Variants in USP42 observed in about 807,000 individuals in gnomAD.
USP42 encodes ubiquitin specific peptidase 42.
USP42 carries 23 observed loss-of-function variants against 113.0 expected under a neutral mutation model. The observed-to-expected ratio is 0.20, with a 90% CI of 0.15 to 0.29. The LOEUF is 0.29. USP42 is among the 10% of genes least tolerant of loss of function. The pLI, the probability that USP42 is intolerant of heterozygous loss-of-function variation, is 1.00. For missense variants in USP42, 2,174 were observed against 1,779.8 expected, an observed-to-expected ratio of 1.22 and a Z score of -3.99; for synonymous variants, 933 against 699.0, an observed-to-expected ratio of 1.33 and a Z score of -5.28.
At chr7:6,137,443 C>A (rs1781209287) in intron 4 of USP42, among the ~76,000 whole-genome samples, 1 of 152,242 alleles carries the variant, frequency 6.6e-6, no homozygotes, top group African/African-American at 2.4e-5. Context: ...ACTACAACCT[C>A]TGCCTCTCAG....
At position 6,157,570 on chromosome 7, in the gene USP42, G is replaced by A. The variant is rs1048663550; in HGVS notation, c.3943+515G>A. Among the ~76,000 whole-genome samples, 1 of 152,106 alleles carries A rather than the reference G, an allele frequency of 6.6e-6. No individual in the cohort carries two copies. The highest frequency in any genetic ancestry group is 1.5e-5 in the Non-Finnish European group (1 of 68,004). ...CCGCCACCACGCCCGGCTAAATTTT[G>A]TGTTTTTAGTAGAGACGGTGTTTCA... On this transcript the variant is annotated intron_variant, in intron 16 of 17. Transcript: ENST00000306177. The surrounding 1 kb of genome is among the most constrained non-coding windows in gnomAD (Gnocchi z 4.1).
chr7:6,138,846 C>G (rs1277404736), intron 4 of USP42, among the ~76,000 whole-genome samples: 1 of 151,842 alleles, frequency 6.6e-6, no homozygotes, highest in Non-Finnish European at 1.5e-5. Flanking sequence ...ACCCCCTCTT[C>G]TGGTCTGTGG....
chr7:6,152,069 A>G (rs1178420629), intron 14 of USP42, among the ~76,000 whole-genome samples: 1 of 152,222 alleles, frequency 6.6e-6, no homozygotes, highest in East Asian at 1.9e-4. Context: ...AAGAATGTGA[A>G]TGTAACGTTG....
At position 6,157,319 on chromosome 7, in the gene USP42, C is replaced by T. The variant is rs1464561416; in HGVS notation, c.3943+264C>T. The stretch of plus-strand genomic sequence containing the variant: ...TACCTGTGTCACCAAAGCCCTGGAA[C>T]GTACAGCTCTAGGCATCTGACTTTG... On this transcript the variant is annotated intron_variant, in intron 16 of 17. Coordinates refer to ENST00000306177, the MANE Select transcript of USP42 (RefSeq NM_032172.3). The surrounding 1 kb of genome is among the most constrained non-coding windows in gnomAD (Gnocchi z 4.1). The T allele has an allele frequency of 9.6e-6, 11 of 1,141,298 alleles. No individual in the cohort carries two copies. Among genetic ancestry groups the T allele is most frequent in the African/African-American group, 1.6e-5 (1 of 62,286 alleles). 70.7% of individuals were successfully genotyped at this position (1,141,298 alleles called of 1,614,324 possible). A position where few individuals can be genotyped will look rare whatever the true frequency, so the allele number is the denominator to read the frequency against.
At chr7:6,160,037 T>G (rs1283613004) in intron 17 of USP42, among the ~76,000 whole-genome samples, 2 of 152,226 alleles carry the variant, frequency 1.3e-5, no homozygotes, top group Non-Finnish European at 2.9e-5. Flanking sequence ...TGGGGCTTTG[T>G]TGGATCACTT....
chr7:6,136,821 T>G (rs1235799010), intron 4 of USP42, among the ~76,000 whole-genome samples: 1 of 151,898 alleles, frequency 6.6e-6, no homozygotes, highest in Non-Finnish European at 1.5e-5. Flanking sequence ...TTTTTTTTTT[T>G]TCAAGTGAGA....
chr7:6,158,714 C>G lies in USP42; in HGVS notation c.3944-736C>G, dbSNP rs568164673. Among the ~76,000 whole-genome samples, 1 of 152,282 alleles carries G rather than the reference C, an allele frequency of 6.6e-6. No individual in the cohort carries two copies. Among genetic ancestry groups the G allele is most frequent in the South Asian group, 2.1e-4 (1 of 4,820 alleles). ...GACATTTCAGAATTGGTTTTGCGTT[C>G]CCATTTCAGCGAATCGGGGAAGGAG... On this transcript the variant is annotated intron_variant, in intron 16 of 17. Transcript: ENST00000306177. This position sits in a 1 kb window ranked among gnomAD's most constrained non-coding sequence, Gnocchi z 4.2.
chr7:6,090,292 C>T, the USP42 span, among the ~76,000 whole-genome samples: 1 of 115,188 alleles, frequency 8.7e-6, no homozygotes, highest in East Asian at 2.2e-4. Context: ...AATATTGAAA[C>T]TCTGTCTCAA....
intron 1 of USP42, among the ~76,000 whole-genome samples, chr7:6,110,304 T>C (rs1263301195): frequency 6.6e-6 from 1 of 152,146 alleles, no homozygotes; most frequent in Non-Finnish European, 1.5e-5. Context: ...GTTGCTTCAT[T>C]TTATAGGCCC....
At chr7:6,113,635 T>G (rs1426532080) in intron 2 of USP42, among the ~76,000 whole-genome samples, 5 of 152,134 alleles carry the variant, frequency 3.3e-5, no homozygotes, top group South Asian at 2.1e-4. Flanking sequence ...TTTTGTTTTT[T>G]TTTTGAGACG....
chr7:6,090,311 AAAAG>A, the USP42 span, among the ~76,000 whole-genome samples: 1 of 144,134 alleles, frequency 6.9e-6, no homozygotes, highest in Non-Finnish European at 1.5e-5. Context: ...AAAAAAAAAA[AAAAG>A]AAATATATAT....
At chr7:6,094,452 T>A in the USP42 span, among the ~76,000 whole-genome samples, 1 of 151,234 alleles carries the variant, frequency 6.6e-6, no homozygotes, top group African/African-American at 2.5e-5. Flanking sequence ...ATTACAGGCA[T>A]GAGCCACTAA....
chr7:6,081,327 AC>A, the USP42 span: 3 of 137,170 alleles, frequency 2.2e-5, no homozygotes, highest in African/African-American at 8.3e-5. Flanking sequence ...CTAGATCCCC[AC>A]CGGTCCCCAC....
At chr7:6,156,189 A>G (rs1272351738) in intron 15 of USP42, among the ~76,000 whole-genome samples, 4 of 152,214 alleles carry the variant, frequency 2.6e-5, no homozygotes, top group Non-Finnish European at 2.9e-5. Context: ...CAAAAGCCAT[A>G]TGGAAAATAG....
In USP42 at chr7:6,139,316, T is replaced by A; in HGVS notation, c.656+122T>A. 1 of 742,382 alleles carries A rather than the reference T, an allele frequency of 1.3e-6. No homozygotes were observed. Among genetic ancestry groups the A allele is most frequent in the Non-Finnish European group, 2.1e-6 (1 of 486,340 alleles). The allele number at this position is 742,382 out of a possible 1,614,324, so 46.0% of individuals were successfully genotyped here. ...CACAGAACAGTGTTCACTTTACCTTTTGGCTTTGCTCTGCCTCTTCCTTAG... is the reference window on the plus strand; with the variant it reads ...CACAGAACAGTGTTCACTTTACCTTATGGCTTTGCTCTGCCTCTTCCTTAG... On this transcript the variant is annotated intron_variant, in intron 5 of 17. Coordinates refer to ENST00000306177, the MANE Select transcript of USP42 (RefSeq NM_032172.3). This position sits in a 1 kb window ranked among gnomAD's most constrained non-coding sequence, Gnocchi z 4.5.
At chr7:6,105,965 G>C (rs937458211) in intron 1 of USP42, among the ~76,000 whole-genome samples, 1 of 152,164 alleles carries the variant, frequency 6.6e-6, no homozygotes, top group Non-Finnish European at 1.5e-5. Context: ...ACTAGTTAAC[G>C]CCTCCTTTTC....
chr7:6,139,883 C>T lies in USP42; in HGVS notation c.657-245C>T, dbSNP rs1342836169. ...AGGACCAGACTCCTGCCTTGCTTCC[C>T]GAGTCCCTTCCTGACAGACACAGCT... On this transcript the variant is annotated intron_variant, in intron 5 of 17. Transcript: ENST00000306177. The surrounding 1 kb of genome is among the most constrained non-coding windows in gnomAD (Gnocchi z 4.5). 5 of 549,458 alleles carry T rather than the reference C, an allele frequency of 9.1e-6. No individual in the cohort carries two copies. Among genetic ancestry groups the T allele is most frequent in the South Asian group, 2.1e-5 (1 of 46,834 alleles). 34.0% of individuals were successfully genotyped at this position (549,458 alleles called of 1,614,324 possible).
At chr7:6,126,657 G>T (rs548378737) in intron 3 of USP42, among the ~76,000 whole-genome samples, 10 of 152,274 alleles carry the variant, frequency 6.6e-5, no homozygotes, top group African/African-American at 2.2e-4. Context: ...GGGATATCGT[G>T]AGTGGAGCTG....
chr7:6,127,951 C>G (rs1240313338), intron 3 of USP42, among the ~76,000 whole-genome samples: 2 of 151,962 alleles, frequency 1.3e-5, no homozygotes, highest in African/African-American at 2.4e-5. Context: ...GAGACAGAAT[C>G]TTGTTCTGTG....
Sources: gnomAD v4.1 joint callset for allele counts (sites outside exome capture counted in the v4.1 genomes callset) on GRCh38, gnomAD v4.1.1 for gene constraint, Gnocchi (gnomAD v3.1) non-coding constraint, MANE v1.5 for transcripts, NCBI Gene and HGNC (gene_info 2026-07-23, HGNC 2026-07-21) for gene names.